The following TTLL8 variants were observed in gnomAD, a reference collection of about 807,000 sequenced individuals.
The protein encoded by TTLL8 is protein monoglycylase TTLL8.
In TTLL8, 65 loss-of-function variants were observed where a neutral mutation model predicts 77.8. The ratio of observed to expected loss-of-function variants is 0.84; its 90% CI spans 0.68 to 1.03. TTLL8 has a LOEUF of 1.03. TTLL8 is among the 50% of genes least tolerant of loss of function. The pLI is 0.00. For synonymous variants in TTLL8, 402 were observed against 422.8 expected (o/e 0.95, Z 0.60); for missense variants, 910 against 1,004.5 (o/e 0.91, Z 1.27).
chr22:50,052,593 C>T (rs1181658762), intron 1 of TTLL8, among the ~76,000 whole-genome samples: 2 of 152,110 alleles, frequency 1.3e-5, no homozygotes, highest in Non-Finnish European at 2.9e-5. Flanking sequence ...CCATCAAACA[C>T]ATAGGTATAC....
intron 8 of TTLL8, among the ~76,000 whole-genome samples, chr22:50,039,220 GT>G (rs899337278): frequency 5.3e-5 from 8 of 152,186 alleles, no homozygotes; most frequent in African/African-American, 1.9e-4. Context: ...GCATTTTTGT[GT>G]TATTGGAATT....
chr22:50,033,369 C>T (rs769785506), exon 10 of TTLL8: 3 of 1,365,386 alleles, frequency 2.2e-6, no homozygotes, highest in Non-Finnish European at 2.9e-6. Context: ...GGACCACCCA[C>T]TTGTTGTCCC....
At chr22:50,042,440 A>G (rs1178677836) in intron 6 of TTLL8, among the ~76,000 whole-genome samples, 1 of 152,114 alleles carries the variant, frequency 6.6e-6, no homozygotes, top group Non-Finnish European at 1.5e-5. Flanking sequence ...CCTCCCGAAC[A>G]GCTGGGATTA....
chr22:50,031,085 C>T (rs939543199), intron 11 of TTLL8, among the ~76,000 whole-genome samples, 160 bp from the exon 13 acceptor site: 4 of 152,198 alleles, frequency 2.6e-5, no homozygotes, highest in East Asian at 1.9e-4. Context: ...CCCCAGGAGG[C>T]CCCCAGGCTC....
upstream of TTLL8, among the ~76,000 whole-genome samples, chr22:50,057,284 G>GA (rs1242505693): frequency 4.9e-5 from 7 of 141,486 alleles, no homozygotes; most frequent in African/African-American, 1.1e-4. Context: ...GGGCTTGGGG[G>GA]TCAGGTCTGG....
intron 6 of TTLL8, among the ~76,000 whole-genome samples, chr22:50,042,073 C>T (rs1202917941): frequency 2.6e-5 from 4 of 152,182 alleles, no homozygotes; most frequent in Non-Finnish European, 5.9e-5. Context: ...TCTGTGAGTG[C>T]CACCTCCCCA....
chr22:50,031,962 G>T (rs749670257), exon 11 of TTLL8: 2 of 1,366,744 alleles, frequency 1.5e-6, no homozygotes, highest in East Asian at 9.1e-5. Flanking sequence ...GGTAGATGAC[G>T]CTGCCCCACA....
chr22:50,029,853 C>T (rs1312387588), intron 12 of TTLL8, among the ~76,000 whole-genome samples: 1 of 152,216 alleles, frequency 6.6e-6, no homozygotes, highest in Non-Finnish European at 1.5e-5. Flanking sequence ...CTGATGCTGC[C>T]CTGCTGGTCA....
chr22:50,028,753 AC>A (rs68164926), intron 12 of TTLL8, among the ~76,000 whole-genome samples: 7 of 27,746 alleles, frequency 2.5e-4, no homozygotes, highest in African/African-American at 5.9e-4. Context: ...CGTCCTAAAG[AC>A]CCCCACATAC....
chr22:50,050,151 T>C (rs1455884345), exon 2 of TTLL8: 1 of 1,367,180 alleles, frequency 7.3e-7, no homozygotes, highest in South Asian at 1.1e-5. Flanking sequence ...GGAATGACCT[T>C]GGGCAAAAAG....
At chr22:50,051,426 C>T (rs180822610) in intron 1 of TTLL8, among the ~76,000 whole-genome samples, 42 of 152,300 alleles carry the variant, frequency 2.8e-4, no homozygotes, top group East Asian at 1.2e-3. Context: ...TTTCTTTATC[C>T]GCTCGTTGGT....
intron 12 of TTLL8, among the ~76,000 whole-genome samples, chr22:50,019,616 C>T (rs2061183717): frequency 6.6e-6 from 1 of 152,170 alleles, no homozygotes; most frequent in Non-Finnish European, 1.5e-5. Context: ...GGGGGGTGCA[C>T]CATCAGGGAG....
chr22:50,036,490 C>A (rs2061337397), intron 8 of TTLL8, among the ~76,000 whole-genome samples: 1 of 152,286 alleles, frequency 6.6e-6, no homozygotes, highest in East Asian at 1.9e-4. Context: ...GGAACGGAGA[C>A]CAGTTACGGT....
chr22:50,046,011 G>A, intron 4 of TTLL8, 41 bp from the exon 7 acceptor site: 8 of 1,310,580 alleles, frequency 6.1e-6, no homozygotes, highest in Non-Finnish European at 7.0e-6. Context: ...GGGCAGCTCA[G>A]CTCAGCTCTG....
At chr22:50,046,461 C>A (rs1407258743) in intron 4 of TTLL8, among the ~76,000 whole-genome samples, 1 of 152,240 alleles carries the variant, frequency 6.6e-6, no homozygotes, top group Non-Finnish European at 1.5e-5. Flanking sequence ...TGGTTTGTCA[C>A]CCTGTTAAGG....
chr22:50,029,467 C>T (rs35180179), intron 12 of TTLL8, among the ~76,000 whole-genome samples: 8,597 of 149,678 alleles, frequency 0.057, 629 homozygotes, highest in Middle Eastern at 0.11. Flanking sequence ...TATTGCCGGG[C>T]GCGGTGGCTC....
At chr22:50,025,467 C>T in intron 12 of TTLL8, among the ~76,000 whole-genome samples, 1 of 152,020 alleles carries the variant, frequency 6.6e-6, no homozygotes, top group African/African-American at 2.4e-5. Context: ...TGGTGAAACC[C>T]CGTCTCTACT....
chr22:50,026,671 C>T (rs1018832113), intron 12 of TTLL8, among the ~76,000 whole-genome samples: 4 of 152,180 alleles, frequency 2.6e-5, no homozygotes, highest in African/African-American at 9.7e-5. Flanking sequence ...CAGGAGGCTC[C>T]GTGTGGCTGT....
intron 2 of TTLL8, 33 bp from the exon 5 acceptor site, chr22:50,049,355 G>A: frequency 7.3e-7 from 1 of 1,366,932 alleles, no homozygotes; most frequent in African/African-American, 1.5e-5. Context: ...GCCTGAACAT[G>A]AAGCCTCAGC....
Sources: allele counts gnomAD v4.1 joint callset (sites outside exome capture counted in the v4.1 genomes callset), GRCh38; gene constraint gnomAD v4.1.1; transcripts MANE v1.5; gene names NCBI Gene and HGNC (gene_info 2026-07-23, HGNC 2026-07-21).